Variants in TMEM273 observed in about 807,000 individuals in gnomAD.
The protein encoded by TMEM273 is transmembrane protein 273, also known as chromosome 10 open reading frame 128.
Under a neutral mutation model 17.9 loss-of-function variants are expected in TMEM273, and 19 were observed. The observed-to-expected ratio is 1.06, with a 90% CI of 0.74 to 1.55. The LOEUF (loss-of-function observed/expected upper bound fraction) is 1.55. Ranked by LOEUF, TMEM273 falls within the 40% of genes most tolerant of loss-of-function variation. The probability of loss-of-function intolerance (pLI) is 0.00; values close to 1 mark genes in which losing one functional copy is unlikely to be tolerated. For missense variants in TMEM273, 194 were observed against 155.6 expected (o/e 1.25, Z -1.31); for synonymous variants, 66 against 62.0 (o/e 1.07, Z -0.31).
intron 1 of TMEM273, among the ~76,000 whole-genome samples, chr10:49,173,130 TGAA>T (rs1564635845): frequency 6.6e-6 from 1 of 152,236 alleles, no homozygotes; most frequent in Non-Finnish European, 1.5e-5. Context: ...AAGTCCCTGC[TGAA>T]GAAGGTTGAG....
At chr10:49,167,067 T>G in intron 2 of TMEM273, 58 bp from the exon 3 acceptor site, 1 of 1,595,230 alleles carries the variant, frequency 6.3e-7, no homozygotes, top group East Asian at 2.2e-5. Flanking sequence ...TCCCTCTGCA[T>G]TCCAGATGAG....
intron 1 of TMEM273, among the ~76,000 whole-genome samples, chr10:49,185,273 TC>T (rs1847592335): frequency 6.6e-6 from 1 of 152,222 alleles, no homozygotes; most frequent in African/African-American, 2.4e-5. Flanking sequence ...AAATACTGTT[TC>T]TTTAAAAACT....
At chr10:49,159,604 A>T (rs1320885925) in intron 6 of TMEM273, among the ~76,000 whole-genome samples, 1 of 152,210 alleles carries the variant, frequency 6.6e-6, no homozygotes, top group Non-Finnish European at 1.5e-5. Flanking sequence ...GCCCATTGAA[A>T]GGGCCTAGAA....
chr10:49,180,513 C>T (rs567947150), intron 1 of TMEM273, among the ~76,000 whole-genome samples: 5 of 152,218 alleles, frequency 3.3e-5, no homozygotes, highest in South Asian at 4.2e-4. Context: ...CCTTTTCTCT[C>T]GACAGAATGA....
intron 1 of TMEM273, among the ~76,000 whole-genome samples, chr10:49,184,666 G>A (rs17774028): frequency 0.16 from 23,840 of 152,208 alleles, 2,248 homozygotes; most frequent in Non-Finnish European, 0.22. Flanking sequence ...GTAAGGAACA[G>A]ATATGGCCAC....
At chr10:49,178,239 G>A (rs201483900) in intron 1 of TMEM273, 14 of 457,166 alleles carry the variant, frequency 3.1e-5, no homozygotes, top group Admixed American at 1.6e-4. Context: ...GCCCTTGCCC[G>A]GGGCCTCAGC....
chr10:49,173,461 CTGCTGCTCTCTT>C (rs1846722169), intron 1 of TMEM273, among the ~76,000 whole-genome samples: 2 of 152,208 alleles, frequency 1.3e-5, no homozygotes, highest in Non-Finnish European at 2.9e-5. Context: ...TCTGCACAGG[CTGCTGCTCTCTT>C]TGCCGCAATG....
chr10:49,183,318 A>G (rs1312805474), intron 1 of TMEM273, among the ~76,000 whole-genome samples: 1 of 152,124 alleles, frequency 6.6e-6, no homozygotes, highest in Non-Finnish European at 1.5e-5. Context: ...ACTCCATGGT[A>G]TACAAAATTT....
In TMEM273 at chr10:49,161,593, A is replaced by G. The variant is rs769978633; in HGVS notation, c.372+6T>C. The stretch of plus-strand genomic sequence containing the variant: ...TTTAAGACAAGTGATCACTCTTACA[A>G]CTCACCTTTTGGAGAAATTGTGGTT... On this transcript the variant is annotated splice_donor_region_variant and intron_variant, in intron 6 of 6. Transcript: ENST00000374153. 2 of 1,614,134 alleles carry G rather than the reference A, an allele frequency of 1.2e-6. No homozygotes were observed. Among genetic ancestry groups the G allele is most frequent in the Admixed American group, 3.3e-5 (2 of 60,022 alleles).
intron 1 of TMEM273, among the ~76,000 whole-genome samples, chr10:49,170,168 C>A (rs1846464681): frequency 6.6e-6 from 1 of 152,238 alleles, no homozygotes; most frequent in South Asian, 2.1e-4. Flanking sequence ...CATAGGTACA[C>A]ACAGAGACAC....
intron 1 of TMEM273, among the ~76,000 whole-genome samples, chr10:49,179,965 G>A (rs1345292303): frequency 6.6e-6 from 1 of 152,158 alleles, no homozygotes; most frequent in African/African-American, 2.4e-5. Context: ...GGGCTTCCAC[G>A]CTCACTGCTC....
intron 1 of TMEM273, among the ~76,000 whole-genome samples, chr10:49,180,455 C>T (rs1228027971): frequency 6.6e-6 from 1 of 152,184 alleles, no homozygotes; most frequent in Admixed American, 6.5e-5. Flanking sequence ...CAGTGGTGGC[C>T]AGAGAGGATG....
At chr10:49,159,070 G>T (rs1429372502) in intron 6 of TMEM273, among the ~76,000 whole-genome samples, 2 of 152,134 alleles carry the variant, frequency 1.3e-5, no homozygotes, top group African/African-American at 4.8e-5. Flanking sequence ...GAACACGGTA[G>T]AGTGGACAGT....
chr10:49,166,715 A>T, intron 3 of TMEM273, 154 bp downstream of exon 3: 1 of 1,090,742 alleles, frequency 9.2e-7, no homozygotes, highest in Non-Finnish European at 1.4e-6. Flanking sequence ...AGGGTTAGTG[A>T]GAGAGACAGA....
rs75786344 is a variant in TMEM273, at chr10:49,161,559, T to C, written c.372+40A>G. ...GCAGCCCCATGGGGCAGAGACTGCC[T>C]GTCCTCCTTTTAAGACAAGTGATCA... On this transcript the variant is annotated intron_variant, in intron 6 of 6. Coordinates refer to ENST00000374153, the MANE Select transcript of TMEM273 (RefSeq NM_001288740.3). 1,696 of 1,614,056 alleles carry C rather than the reference T, an allele frequency of 1.1e-3. 14 individuals are homozygous for C. The African/African-American group carries it at 0.019, about 19-fold the overall frequency.
At chr10:49,177,408 C>T (rs1847052834) in intron 1 of TMEM273, among the ~76,000 whole-genome samples, 1 of 152,186 alleles carries the variant, frequency 6.6e-6, no homozygotes, top group Non-Finnish European at 1.5e-5. Flanking sequence ...CTCTGTTTGC[C>T]TGAGTGCTGA....
chr10:49,163,832 C>A (rs1219405834), intron 5 of TMEM273, among the ~76,000 whole-genome samples: 1 of 152,092 alleles, frequency 6.6e-6, no homozygotes, highest in Non-Finnish European at 1.5e-5. Flanking sequence ...GAGGAGAAAT[C>A]CTCAAAAAAA....
Position 49,188,355 on chromosome 10 carries a change from G to T in TMEM273, c.-19C>A, listed in dbSNP as rs754030549. The T allele has an allele frequency of 1.9e-6, 3 of 1,613,866 alleles. No homozygotes were observed. Among genetic ancestry groups the T allele is most frequent in the African/African-American group, 2.7e-5 (2 of 74,916 alleles). On this transcript the variant is annotated 5_prime_UTR_variant, in exon 1 of 7. Coordinates refer to ENST00000374153, the MANE Select transcript of TMEM273 (RefSeq NM_001288740.3). ...AGTTCATGCTGGCGCTCTGCTCTTG[G>T]CTCCTGGCTCCTGGCTGCTGGCAGC...
chr10:49,172,521 C>T (rs1426947729), intron 1 of TMEM273, among the ~76,000 whole-genome samples: 3 of 152,180 alleles, frequency 2.0e-5, no homozygotes, highest in African/African-American at 7.2e-5. Context: ...GCCAACCCTA[C>T]TCACTGGGGA....
Sources: allele counts gnomAD v4.1 joint callset (sites outside exome capture counted in the v4.1 genomes callset), GRCh38; gene constraint gnomAD v4.1.1; transcripts MANE v1.5; gene names NCBI Gene and HGNC (gene_info 2026-07-23, HGNC 2026-07-21).